The following LPAR3 variants were observed in gnomAD, a reference collection of about 807,000 sequenced individuals.
LPAR3 encodes the protein LPA receptor 3.
LPAR3 carries 7 observed loss-of-function variants against 17.8 expected under a neutral mutation model. The ratio of observed to expected loss-of-function variants is 0.39; its 90% CI spans 0.22 to 0.74. The LOEUF is 0.74. Among genes scored for constraint, LPAR3 ranks in the 30% least tolerant of loss-of-function variants. LPAR3 has a pLI of 0.40. For missense variants in LPAR3, 391 were observed against 453.4 expected (o/e 0.86, Z 1.25); for synonymous variants, 179 against 179.9 (o/e 0.99, Z 0.04).
chr1:84,859,642 C>A (rs1228802918), intron 2 of LPAR3, among the ~76,000 whole-genome samples: 1 of 152,160 alleles, frequency 6.6e-6, no homozygotes, highest in Non-Finnish European at 1.5e-5. Flanking sequence ...CTGACATTTT[C>A]TCTTCTTTTT....
intron 2 of LPAR3, among the ~76,000 whole-genome samples, chr1:84,854,828 G>T (rs78351821): frequency 0.028 from 4,288 of 152,308 alleles, 217 homozygotes; most frequent in African/African-American, 0.095. Flanking sequence ...GGTATATTTT[G>T]CCAAGGCAAG....
At chr1:84,871,267 T>C (rs1378585861) in intron 1 of LPAR3, among the ~76,000 whole-genome samples, 1 of 152,220 alleles carries the variant, frequency 6.6e-6, no homozygotes, top group Non-Finnish European at 1.5e-5. Context: ...AGAAAGTCTA[T>C]ATGTGGAATC....
chr1:84,879,790 C>T (rs1660329612), intron 1 of LPAR3, among the ~76,000 whole-genome samples: 1 of 152,148 alleles, frequency 6.6e-6, no homozygotes, highest in African/African-American at 2.4e-5. Context: ...AGCCCCAAAA[C>T]AATGAAGGTG....
At chr1:84,852,321 T>C (rs574669704) in intron 2 of LPAR3, among the ~76,000 whole-genome samples, 1 of 152,286 alleles carries the variant, frequency 6.6e-6, no homozygotes, top group Admixed American at 6.5e-5. Flanking sequence ...CCTCGTGATC[T>C]GCCCTCCTCG....
At chr1:84,883,461 G>T (rs1660400370) in intron 1 of LPAR3, among the ~76,000 whole-genome samples, 2 of 152,142 alleles carry the variant, frequency 1.3e-5, no homozygotes, top group Non-Finnish European at 2.9e-5. Context: ...TAGCCAGCTG[G>T]GTTGAAAACC....
intron 1 of LPAR3, among the ~76,000 whole-genome samples, chr1:84,881,916 G>A (rs1338264371): frequency 6.6e-6 from 1 of 152,182 alleles, no homozygotes; most frequent in African/African-American, 2.4e-5. Flanking sequence ...GCTCCAAGAT[G>A]AGGAACAAAG....
chr1:84,891,729 TTG>T (rs764977615), intron 1 of LPAR3, among the ~76,000 whole-genome samples: 17 of 152,228 alleles, frequency 1.1e-4, no homozygotes, highest in Non-Finnish European at 2.1e-4. Flanking sequence ...AGGAGATTGA[TTG>T]TCTGTCTGTA....
intron 2 of LPAR3, among the ~76,000 whole-genome samples, chr1:84,848,085 G>GC (rs1441864462): frequency 1.3e-5 from 2 of 152,152 alleles, no homozygotes; most frequent in Non-Finnish European, 2.9e-5. Context: ...TTGTGAGTCT[G>GC]CCCAGATCTA....
chr1:84,855,158 T>C (rs1018953875), intron 2 of LPAR3, among the ~76,000 whole-genome samples: 2 of 152,148 alleles, frequency 1.3e-5, no homozygotes, highest in Non-Finnish European at 2.9e-5. Flanking sequence ...GCAAACACCC[T>C]TTACTCCCAG....
intron 2 of LPAR3, among the ~76,000 whole-genome samples, chr1:84,845,597 C>T (rs1659581996): frequency 6.6e-6 from 1 of 152,166 alleles, no homozygotes; most frequent in Admixed American, 6.5e-5. Context: ...TTGTATGTTT[C>T]TTATCCTGCA....
At chr1:84,839,509 C>CA (rs1387581604) in intron 2 of LPAR3, among the ~76,000 whole-genome samples, 2 of 151,930 alleles carry the variant, frequency 1.3e-5, no homozygotes, top group Non-Finnish European at 2.9e-5. Context: ...CCTGTCTCTG[C>CA]AAAAAGTAGA....
chr1:84,850,393 C>CAAAAA (rs561506398), intron 2 of LPAR3, among the ~76,000 whole-genome samples: 80 of 38,412 alleles, frequency 2.1e-3, no homozygotes, highest in Admixed American at 3.9e-3. Flanking sequence ...TCTGTCTCTA[C>CAAAAA]AAAAAAAAAA....
At chr1:84,824,350 T>C (rs1659108553) in intron 2 of LPAR3, among the ~76,000 whole-genome samples, 1 of 152,164 alleles carries the variant, frequency 6.6e-6, no homozygotes, top group Admixed American at 6.5e-5. Flanking sequence ...CTTTCCATCC[T>C]CCACTCATGA....
intron 2 of LPAR3, among the ~76,000 whole-genome samples, chr1:84,829,378 A>C (rs1659238805): frequency 6.6e-6 from 1 of 151,810 alleles, no homozygotes; most frequent in Non-Finnish European, 1.5e-5. Context: ...TGTCTACCAA[A>C]TTCTCTGAGG....
intron 2 of LPAR3, among the ~76,000 whole-genome samples, chr1:84,841,124 G>A (rs1454934002): frequency 6.6e-6 from 1 of 152,088 alleles, no homozygotes; most frequent in Non-Finnish European, 1.5e-5. Flanking sequence ...TCCAGGCTTT[G>A]GCAATGAAAA....
At chr1:84,826,633 T>C (rs1479531409) in intron 2 of LPAR3, among the ~76,000 whole-genome samples, 1 of 149,832 alleles carries the variant, frequency 6.7e-6, no homozygotes, top group Non-Finnish European at 1.5e-5. Flanking sequence ...AAAAAACAGG[T>C]TACAAAACAC....
chr1:84,877,248 T>C (rs1208927556), intron 1 of LPAR3, among the ~76,000 whole-genome samples: 1 of 152,198 alleles, frequency 6.6e-6, no homozygotes, highest in Non-Finnish European at 1.5e-5. Flanking sequence ...GCAAAAGCAA[T>C]GCAAATGTAG....
At chr1:84,845,147 A>G (rs1283120323) in intron 2 of LPAR3, among the ~76,000 whole-genome samples, 1 of 152,204 alleles carries the variant, frequency 6.6e-6, no homozygotes, top group African/African-American at 2.4e-5. Context: ...ATGAGGCTAA[A>G]AGTGCTTTTC....
Position 84,813,821 on chromosome 1 carries a change from G to C in LPAR3, c.*25C>G, listed in dbSNP as rs771950172. 5.7e-6 allele frequency: 9 copies of C among 1,587,266 alleles called. No individual in the cohort carries two copies. Among genetic ancestry groups the C allele is most frequent in the Non-Finnish European group, 7.8e-6 (9 of 1,159,042 alleles). ...ACAGCTCTTTTCCCAGAGGAGGCCT[G>C]GGTGGGCCGAGAGGCATCCAGAGTT... On this transcript the variant is annotated 3_prime_UTR_variant, in exon 3 of 3. Transcript: ENST00000370611.
Sources: allele counts gnomAD v4.1 joint callset (sites outside exome capture counted in the v4.1 genomes callset), GRCh38; gene constraint gnomAD v4.1.1; transcripts MANE v1.5; gene names NCBI Gene and HGNC (gene_info 2026-07-23, HGNC 2026-07-21).